Variants in BBS9 observed in about 807,000 individuals in gnomAD.
BBS9 encodes protein PTHB1.
Under a neutral mutation model 117.7 loss-of-function variants are expected in BBS9, and 89 were observed. The observed-to-expected ratio is 0.76, with a 90% CI of 0.64 to 0.90. The LOEUF is 0.90. BBS9 is among the 40% of genes least tolerant of loss of function. The pLI is 0.00. For missense variants in BBS9, 982 were observed against 1,042.2 expected, an observed-to-expected ratio of 0.94 and a Z score of 0.80; for synonymous variants, 379 against 370.9, an observed-to-expected ratio of 1.02 and a Z score of -0.25.
chr7:33,321,983 A>G (rs112517573), intron 9 of BBS9, among the ~76,000 whole-genome samples: 2,233 of 152,098 alleles, frequency 0.015, 23 homozygotes, highest in Non-Finnish European at 0.021. Context: ...AAATGATCAT[A>G]TGGTTTTTGT....
At chr7:33,357,719 T>C (rs200054134) in intron 15 of BBS9, 136 bp from the exon 16 acceptor site, 5 of 861,604 alleles carry the variant, frequency 5.8e-6, no homozygotes. Context: ...TTACAGTTAT[T>C]TCAGCTTTGT....
intron 5 of BBS9, among the ~76,000 whole-genome samples, chr7:33,202,678 G>T (rs903170932): frequency 6.6e-6 from 1 of 152,062 alleles, no homozygotes. Flanking sequence ...TAAACAACCA[G>T]ATCTCATGAG....
At chr7:33,389,492 A>G (rs1826635477) in intron 19 of BBS9, among the ~76,000 whole-genome samples, 1 of 151,994 alleles carries the variant, frequency 6.6e-6, no homozygotes, top group South Asian at 2.1e-4. Context: ...GATCAAGACC[A>G]TCCTGGTTAA....
chr7:33,236,848 C>G (rs1010919941), intron 5 of BBS9, among the ~76,000 whole-genome samples: 2 of 151,886 alleles, frequency 1.3e-5, no homozygotes, highest in African/African-American at 4.8e-5. Context: ...GTGGTCACTG[C>G]GCAGTACAAT....
intron 19 of BBS9, among the ~76,000 whole-genome samples, chr7:33,456,361 G>A (rs1473155): frequency 0.63 from 95,708 of 151,996 alleles, 30,809 homozygotes; most frequent in African/African-American, 0.76. Context: ...ACAATGTGGC[G>A]GCTGTGTTGC....
At chr7:33,268,748 C>T (rs187005539) in intron 7 of BBS9, among the ~76,000 whole-genome samples, 3 of 152,172 alleles carry the variant, frequency 2.0e-5, no homozygotes, top group East Asian at 1.9e-4. Context: ...CATTCAGTAC[C>T]TGGTAAATTG....
chr7:33,196,844 A>G (rs986284951), intron 5 of BBS9, among the ~76,000 whole-genome samples: 8 of 152,192 alleles, frequency 5.3e-5, no homozygotes, highest in Non-Finnish European at 1.0e-4. Context: ...CAAGACCTAT[A>G]AAATAATGTT....
At chr7:33,134,715 G>C (rs991273830) in intron 1 of BBS9, among the ~76,000 whole-genome samples, 1 of 152,066 alleles carries the variant, frequency 6.6e-6, no homozygotes, top group Non-Finnish European at 1.5e-5. Context: ...TCCTGCCTCA[G>C]CCTCTCAAGT....
chr7:33,460,863 G>T (rs1362230), intron 19 of BBS9, among the ~76,000 whole-genome samples: 114,728 of 151,910 alleles, frequency 0.76, 43,824 homozygotes, highest in African/African-American at 0.87. Flanking sequence ...AAAGTAAAAC[G>T]CCTTACCCAA....
At chr7:33,197,314 A>G (rs1785107339) in intron 5 of BBS9, among the ~76,000 whole-genome samples, 1 of 152,056 alleles carries the variant, frequency 6.6e-6, no homozygotes, top group African/African-American at 2.4e-5. Context: ...ATCCTACTCA[A>G]TTGAGAAGGA....
At chr7:33,620,029 A>G (rs1585490382) in intron 21 of BBS9, among the ~76,000 whole-genome samples, 1 of 152,132 alleles carries the variant, frequency 6.6e-6, no homozygotes, top group African/African-American at 2.4e-5. Flanking sequence ...AGACTAGAAA[A>G]ATAATAGAAA....
intron 19 of BBS9, among the ~76,000 whole-genome samples, chr7:33,412,251 G>T (rs1831277542): frequency 1.3e-5 from 2 of 152,116 alleles, no homozygotes; most frequent in South Asian, 4.1e-4. Flanking sequence ...AGTTGAATTG[G>T]ATTTTCAGTC....
chr7:33,459,160 G>A (rs1368954152), intron 19 of BBS9, among the ~76,000 whole-genome samples: 1 of 152,066 alleles, frequency 6.6e-6, no homozygotes, highest in African/African-American at 2.4e-5. Flanking sequence ...TTTCCATTGA[G>A]ATCCCTCTTC....
intron 9 of BBS9, among the ~76,000 whole-genome samples, chr7:33,274,487 T>C (rs1190350195): frequency 6.6e-6 from 1 of 152,208 alleles, no homozygotes. Flanking sequence ...TTTACAAAAT[T>C]TATCAAAAAT....
intron 9 of BBS9, among the ~76,000 whole-genome samples, chr7:33,313,036 GGT>G (rs5883397): frequency 0.31 from 45,671 of 147,464 alleles, 6,932 homozygotes; most frequent in East Asian, 0.49. Context: ...TGTACTCTGT[GGT>G]GTGTGTGTGT....
chr7:33,348,860 T>C (rs920710944), intron 12 of BBS9, among the ~76,000 whole-genome samples: 2 of 152,218 alleles, frequency 1.3e-5, no homozygotes, highest in African/African-American at 4.8e-5. Context: ...CTTTATTCTT[T>C]TGAGTAAAGT....
chr7:33,322,105 G>A (rs1418143276), intron 9 of BBS9, among the ~76,000 whole-genome samples: 2 of 151,876 alleles, frequency 1.3e-5, no homozygotes, highest in Non-Finnish European at 2.9e-5. Context: ...TTTTTAATGT[G>A]TTTTGAAGTT....
chr7:33,421,383 G>A (rs1832838718), intron 19 of BBS9, among the ~76,000 whole-genome samples: 1 of 152,162 alleles, frequency 6.6e-6, no homozygotes, highest in Non-Finnish European at 1.5e-5. Context: ...ACTATTGCAT[G>A]TGTAGCCATT....
At chr7:33,386,082 T>A (rs1160204254) in intron 18 of BBS9, among the ~76,000 whole-genome samples, 1 of 152,280 alleles carries the variant, frequency 6.6e-6, no homozygotes, top group Admixed American at 6.5e-5. Context: ...TATACATATG[T>A]AACAAACCTG....
Sources: gnomAD v4.1 joint callset for allele counts (sites outside exome capture counted in the v4.1 genomes callset) on GRCh38, gnomAD v4.1.1 for gene constraint, MANE v1.5 for transcripts, NCBI Gene and HGNC (gene_info 2026-07-23, HGNC 2026-07-21) for gene names.